IPCEF1: variants seen among roughly 807,000 people sequenced by gnomAD.
IPCEF1 encodes interaction protein for cytohesin exchange factors 1.
IPCEF1 carries 31 observed loss-of-function variants against 50.9 expected under a neutral mutation model. The ratio of observed to expected loss-of-function variants is 0.61; its 90% CI spans 0.46 to 0.82. IPCEF1 has a LOEUF of 0.82. Ranked by LOEUF, IPCEF1 falls within the 40% of genes least tolerant of loss-of-function variation. The pLI, the probability that IPCEF1 is intolerant of heterozygous loss-of-function variation, is 0.00. For synonymous variants in IPCEF1, 181 were observed against 192.0 expected, an observed-to-expected ratio of 0.94 and a Z score of 0.47; for missense variants, 458 against 514.0, an observed-to-expected ratio of 0.89 and a Z score of 1.05.
chr6:154,355,035 CA>C (rs1784192272), intron 1 of IPCEF1, among the ~76,000 whole-genome samples: 3 of 113,164 alleles, frequency 2.7e-5, no homozygotes, highest in African/African-American at 1.2e-4. Flanking sequence ...CACACACACA[CA>C]CACACACACC....
At chr6:154,171,082 T>A (rs1799832382) in intron 10 of IPCEF1, among the ~76,000 whole-genome samples, 1 of 151,970 alleles carries the variant, frequency 6.6e-6, no homozygotes, top group South Asian at 2.1e-4. Context: ...TCTCATGGAG[T>A]TTAGCATGTG....
At chr6:154,298,101 G>A (rs73003282) in intron 1 of IPCEF1, among the ~76,000 whole-genome samples, 2,492 of 152,152 alleles carry the variant, frequency 0.016, 28 homozygotes, top group Non-Finnish European at 0.025. Flanking sequence ...CAATGGGTAG[G>A]GTTATCCAAA....
At chr6:154,188,206 C>T (rs2128577437) in intron 10 of IPCEF1, among the ~76,000 whole-genome samples, 1 of 151,948 alleles carries the variant, frequency 6.6e-6, no homozygotes, top group South Asian at 2.1e-4. Context: ...TCATGTAAAC[C>T]AGCAATAGTT....
At chr6:154,209,389 G>A (rs1198197100) in intron 9 of IPCEF1, among the ~76,000 whole-genome samples, 1 of 152,026 alleles carries the variant, frequency 6.6e-6, no homozygotes, top group Admixed American at 6.6e-5. Context: ...AGTGGCTTAC[G>A]CTTGTAATCC....
At chr6:154,294,446 AC>A (rs1782588061) in intron 1 of IPCEF1, among the ~76,000 whole-genome samples, 1 of 152,240 alleles carries the variant, frequency 6.6e-6, no homozygotes, top group Non-Finnish European at 1.5e-5. Flanking sequence ...TAATCCCAGC[AC>A]TTTAGGAGGT....
intron 1 of IPCEF1, among the ~76,000 whole-genome samples, chr6:154,330,930 A>C (rs111667124): frequency 5.9e-5 from 9 of 152,204 alleles, no homozygotes; most frequent in African/African-American, 2.2e-4. Context: ...GGCAGACATG[A>C]GCAGGGCAGG....
chr6:154,321,456 C>T (rs1373777322), intron 1 of IPCEF1, among the ~76,000 whole-genome samples: 1 of 151,564 alleles, frequency 6.6e-6, no homozygotes, highest in Non-Finnish European at 1.5e-5. Context: ...CCTTCTCAAC[C>T]TTTGAAGAAG....
intron 5 of IPCEF1, among the ~76,000 whole-genome samples, chr6:154,242,961 G>T (rs947542696): frequency 5.3e-5 from 8 of 152,156 alleles, no homozygotes; most frequent in African/African-American, 1.4e-4. Context: ...AAAGGAGAAG[G>T]TACGTGCCTC....
intron 2 of IPCEF1, among the ~76,000 whole-genome samples, chr6:154,268,960 A>G (rs1781827995): frequency 6.6e-6 from 1 of 151,998 alleles, no homozygotes; most frequent in African/African-American, 2.4e-5. Flanking sequence ...CTTATTTTTT[A>G]TTCATAGAAG....
intron 7 of IPCEF1, among the ~76,000 whole-genome samples, chr6:154,215,505 C>T (rs1778323607): frequency 6.6e-6 from 1 of 152,078 alleles, no homozygotes; most frequent in Non-Finnish European, 1.5e-5. Context: ...ACTCGGGAGT[C>T]TGAGGCAGGA....
intron 10 of IPCEF1, among the ~76,000 whole-genome samples, chr6:154,171,047 C>T (rs569982424): frequency 6.6e-6 from 1 of 152,186 alleles, no homozygotes; most frequent in African/African-American, 2.4e-5. Context: ...ATTGAGTTGC[C>T]ACTTTAGAAA....
At chr6:154,221,368 T>C in intron 6 of IPCEF1, 40 bp from the exon 7 acceptor site, 1 of 1,517,984 alleles carries the variant, frequency 6.6e-7, no homozygotes, top group Admixed American at 1.7e-5. Flanking sequence ...AAAATTAGTG[T>C]TTATAGTCAA....
intron 2 of IPCEF1, among the ~76,000 whole-genome samples, chr6:154,281,627 T>C (rs1782213598): frequency 6.6e-6 from 1 of 152,074 alleles, no homozygotes. Context: ...TTTGGGAGGA[T>C]GAGCCAGGTG....
chr6:154,293,315 C>T (rs1266387829), intron 1 of IPCEF1, among the ~76,000 whole-genome samples: 1 of 152,244 alleles, frequency 6.6e-6, no homozygotes, highest in Non-Finnish European at 1.5e-5. Context: ...GTCAGCGCAA[C>T]TGCAGATGCT....
At chr6:154,237,561 G>A (rs190771301) in intron 5 of IPCEF1, among the ~76,000 whole-genome samples, 80 of 152,228 alleles carry the variant, frequency 5.3e-4, no homozygotes, top group Non-Finnish European at 9.1e-4. Context: ...GCTTTTAGCT[G>A]CACTCAATCT....
chr6:154,208,180 G>A (rs554914116), intron 9 of IPCEF1, among the ~76,000 whole-genome samples: 99 of 150,480 alleles, frequency 6.6e-4, no homozygotes, highest in Middle Eastern at 3.4e-3. Flanking sequence ...TGCCCTCCAC[G>A]ATATGGCTAC....
intron 2 of IPCEF1, among the ~76,000 whole-genome samples, chr6:154,281,112 G>A (rs1012596174): frequency 3.3e-5 from 5 of 151,158 alleles, no homozygotes; most frequent in Admixed American, 1.3e-4. Context: ...GGCCGAGGTG[G>A]GTGGATTACT....
chr6:154,181,063 T>C (rs1216620868), intron 10 of IPCEF1, among the ~76,000 whole-genome samples: 4 of 152,186 alleles, frequency 2.6e-5, no homozygotes, highest in African/African-American at 9.7e-5. Flanking sequence ...TTATTTAATA[T>C]AGCACCTGAT....
chr6:154,246,843 G>A (rs1301397178), intron 4 of IPCEF1, 83 bp from the exon 5 acceptor site: 7 of 1,393,994 alleles, frequency 5.0e-6, no homozygotes, highest in Middle Eastern at 1.9e-4. Context: ...GTGACAGAGT[G>A]AAAGGCAACT....
Sources: allele counts gnomAD v4.1 joint callset (sites outside exome capture counted in the v4.1 genomes callset), GRCh38; gene constraint gnomAD v4.1.1; transcripts MANE v1.5; gene names NCBI Gene and HGNC (gene_info 2026-07-23, HGNC 2026-07-21).